B4GALT6: variants seen among roughly 807,000 people sequenced by gnomAD.
The protein encoded by B4GALT6 is beta-1,4-galactosyltransferase 6.
Under a neutral mutation model 46.3 loss-of-function variants are expected in B4GALT6, and 14 were observed. That is an observed-to-expected ratio of 0.30 (90% CI 0.20 to 0.47). The LOEUF is 0.47. Among genes scored for constraint, B4GALT6 ranks in the 20% least tolerant of loss-of-function variants. The probability of loss-of-function intolerance (pLI) is 0.99; values close to 1 mark genes in which losing one functional copy is unlikely to be tolerated. For missense variants in B4GALT6, 386 were observed against 480.1 expected, an observed-to-expected ratio of 0.80 and a Z score of 1.83; for synonymous variants, 168 against 162.0, an observed-to-expected ratio of 1.04 and a Z score of -0.28.
At chr18:31,679,537 A>G (rs2074455524) in intron 1 of B4GALT6, among the ~76,000 whole-genome samples, 1 of 152,184 alleles carries the variant, frequency 6.6e-6, no homozygotes, top group Non-Finnish European at 1.5e-5. Flanking sequence ...CTGTATTCCA[A>G]TTTAACCCGT....
chr18:31,707,145 C>T, the B4GALT6 span, among the ~76,000 whole-genome samples: 1 of 151,946 alleles, frequency 6.6e-6, no homozygotes, highest in Non-Finnish European at 1.5e-5. Context: ...TCAACTTTTT[C>T]CAAACTTTTT....
intron 1 of B4GALT6, among the ~76,000 whole-genome samples, chr18:31,672,146 G>A (rs1035016747): frequency 6.6e-6 from 1 of 152,192 alleles, no homozygotes; most frequent in African/African-American, 2.4e-5. Context: ...ATCTAGAACT[G>A]TTTCCTGGGC....
intron 2 of B4GALT6, 92 bp from the exon 3 acceptor site, chr18:31,658,181 T>A: frequency 1.2e-6 from 1 of 839,588 alleles, no homozygotes. Flanking sequence ...GGGAGAAAAC[T>A]ACAATATACA....
At chr18:31,628,701 A>G (rs750239815) in intron 6 of B4GALT6, among the ~76,000 whole-genome samples, 2 of 152,128 alleles carry the variant, frequency 1.3e-5, no homozygotes, top group Non-Finnish European at 2.9e-5. Context: ...GCTTCATCCC[A>G]CAGCTGAAGT....
At chr18:31,652,797 C>T (rs530670792) in intron 3 of B4GALT6, among the ~76,000 whole-genome samples, 31 of 152,300 alleles carry the variant, frequency 2.0e-4, no homozygotes, top group Non-Finnish European at 3.5e-4. Flanking sequence ...CTCTCTCCAA[C>T]GCCACAGCCT....
At position 31,638,864 on chromosome 18, in the gene B4GALT6, G is replaced by A. The variant is rs557485265; in HGVS notation, c.472-104C>T. ...AAACTTCTGATGGTTTTAAAGCCAC[G>A]TCCTTATGAATTTTCTCATCAGAGA... On this transcript the variant is annotated intron_variant, in intron 4 of 8. Transcript: ENST00000306851. The A allele has an allele frequency of 8.8e-5, 81 of 916,236 alleles. 1 individual carries two copies. In the South Asian group the frequency reaches 1.2e-3, roughly 13 times the overall value. 56.8% of individuals were successfully genotyped at this position (916,236 alleles called of 1,614,324 possible). A position where few individuals can be genotyped will look rare whatever the true frequency, so the allele number is the denominator to read the frequency against.
At chr18:31,677,448 A>C (rs1446128680) in intron 1 of B4GALT6, among the ~76,000 whole-genome samples, 1 of 152,200 alleles carries the variant, frequency 6.6e-6, no homozygotes, top group African/African-American at 2.4e-5. Flanking sequence ...AGAAAAACAG[A>C]ATTGAGTGCC....
At chr18:31,656,896 G>GA (rs1246089296) in intron 3 of B4GALT6, among the ~76,000 whole-genome samples, 1 of 152,126 alleles carries the variant, frequency 6.6e-6, no homozygotes, top group Non-Finnish European at 1.5e-5. Flanking sequence ...TCACAGGAGA[G>GA]AAAATTTAAA....
chr18:31,689,014 A>G (rs943361108), upstream of B4GALT6, among the ~76,000 whole-genome samples: 4 of 152,206 alleles, frequency 2.6e-5, no homozygotes, highest in Non-Finnish European at 2.9e-5. Context: ...CCAAGAAACT[A>G]TATAAAGTGT....
the B4GALT6 span, among the ~76,000 whole-genome samples, chr18:31,722,208 T>C: frequency 6.6e-6 from 1 of 152,070 alleles, no homozygotes; most frequent in Non-Finnish European, 1.5e-5. Context: ...CAAGATAATA[T>C]TAAGTGAAAC....
intron 1 of B4GALT6, among the ~76,000 whole-genome samples, chr18:31,682,841 A>G (rs2074496147): frequency 6.6e-6 from 1 of 152,208 alleles, no homozygotes; most frequent in South Asian, 2.1e-4. Flanking sequence ...TAGAATGAAG[A>G]GTTAATTTAT....
At chr18:31,717,709 C>T in the B4GALT6 span, among the ~76,000 whole-genome samples, 1 of 151,962 alleles carries the variant, frequency 6.6e-6, no homozygotes, top group African/African-American at 2.4e-5. Flanking sequence ...AATCCCAGCA[C>T]TTTGGGAGGC....
chr18:31,706,863 C>T, the B4GALT6 span, among the ~76,000 whole-genome samples: 1 of 152,282 alleles, frequency 6.6e-6, no homozygotes, highest in South Asian at 2.1e-4. Flanking sequence ...GCTATTTCAT[C>T]AGAGAAACTT....
At chr18:31,709,595 G>C in the B4GALT6 span, among the ~76,000 whole-genome samples, 1 of 58,212 alleles carries the variant, frequency 1.7e-5, no homozygotes, top group African/African-American at 4.4e-5. Context: ...GTGTGTGTGT[G>C]TGTGTGTGTA....
chr18:31,721,880 CTGTGTGTGTA>C, the B4GALT6 span, among the ~76,000 whole-genome samples: 2 of 151,210 alleles, frequency 1.3e-5, no homozygotes, highest in African/African-American at 4.8e-5. Context: ...CTCTCTCTCT[CTGTGTGTGTA>C]TGTGTGTGTG....
intron 1 of B4GALT6, among the ~76,000 whole-genome samples, chr18:31,668,998 AGAGT>A (rs1192174364): frequency 6.6e-6 from 1 of 151,446 alleles, no homozygotes; most frequent in African/African-American, 2.4e-5. Context: ...CCTGGGTGAC[AGAGT>A]GAGACCCTGT....
Position 31,684,357 on chromosome 18 carries a change from G to T in B4GALT6, c.70C>A (p.Leu24Ile). 6.2e-7 allele frequency: 1 copy of T among 1,613,874 alleles called. No homozygotes were observed. The highest frequency in any genetic ancestry group is 1.1e-5 in the South Asian group (1 of 91,054). ...SLLAFIFFFS[L>I]SSSCLYFIYV... The stretch of plus-strand genomic sequence containing the variant: ...ATGAAGTACAGACAGGACGAAGAGA[G>T]GGAGAAGAAGAAGATGAAGGCGAGG... Residue 24 changes from leucine to isoleucine, a missense_variant, in exon 1 of 9, where the codon CTC becomes ATC. Physicochemically the swap from Leu to Ile is conservative, Grantham distance 5. Coordinates refer to ENST00000306851, the MANE Select transcript of B4GALT6 (RefSeq NM_004775.5).
intron 6 of B4GALT6, among the ~76,000 whole-genome samples, chr18:31,629,990 GGAA>G (rs985992666): frequency 2.7e-5 from 4 of 149,116 alleles, no homozygotes; most frequent in African/African-American, 9.9e-5. Context: ...CAAAAAAAAA[GGAA>G]GGAGGAGGAG....
At chr18:31,703,210 GA>G in the B4GALT6 span, among the ~76,000 whole-genome samples, 4 of 152,154 alleles carry the variant, frequency 2.6e-5, no homozygotes, top group Admixed American at 1.3e-4. Context: ...GCAAGGAAAA[GA>G]GGGGGAAAAA....
Sources: allele counts gnomAD v4.1 joint callset (sites outside exome capture counted in the v4.1 genomes callset), GRCh38; gene constraint gnomAD v4.1.1; transcripts MANE v1.5; gene names NCBI Gene and HGNC (gene_info 2026-07-23, HGNC 2026-07-21).